GPC5: variants seen among roughly 807,000 people sequenced by gnomAD.
GPC5 encodes the protein glypican-5.
GPC5 carries 47 observed loss-of-function variants against 53.9 expected under a neutral mutation model. The ratio of observed to expected loss-of-function variants is 0.87; its 90% CI spans 0.69 to 1.11. GPC5 has a LOEUF of 1.11. GPC5 is among the 50% of genes most tolerant of loss of function. The pLI, the probability that GPC5 is intolerant of heterozygous loss-of-function variation, is 0.00. For synonymous variants in GPC5, 286 were observed against 263.3 expected (o/e 1.09, Z -0.84); for missense variants, 748 against 713.1 (o/e 1.05, Z -0.56).
intron 4 of GPC5, among the ~76,000 whole-genome samples, chr13:91,734,809 A>T (rs1474880387): frequency 4.0e-5 from 6 of 151,124 alleles, no homozygotes; most frequent in Non-Finnish European, 8.8e-5. Flanking sequence ...TTCTTGTTTC[A>T]TGGATGAGTT....
intron 6 of GPC5, among the ~76,000 whole-genome samples, chr13:92,136,288 A>G (rs760023073): frequency 7.2e-5 from 11 of 152,194 alleles, no homozygotes; most frequent in Non-Finnish European, 1.5e-4. Context: ...CTTAGTCTCC[A>G]TGAAATTGCA....
intron 7 of GPC5, among the ~76,000 whole-genome samples, chr13:92,782,578 C>T (rs1876069534): frequency 6.6e-6 from 1 of 152,126 alleles, no homozygotes; most frequent in Non-Finnish European, 1.5e-5. Context: ...GAAGAATGCT[C>T]AAAGACCCTA....
intron 7 of GPC5, among the ~76,000 whole-genome samples, chr13:92,632,887 T>C (rs1885298556): frequency 1.3e-5 from 2 of 151,994 alleles, no homozygotes; most frequent in South Asian, 4.1e-4. Context: ...TTTTTTTGTT[T>C]GTTTGTTTTG....
intron 6 of GPC5, among the ~76,000 whole-genome samples, chr13:91,927,612 T>A (rs1325224082): frequency 1.3e-5 from 2 of 152,096 alleles, no homozygotes; most frequent in Admixed American, 6.6e-5. Context: ...TGGAAATGGG[T>A]TAGTTCTAGT....
intron 6 of GPC5, among the ~76,000 whole-genome samples, chr13:91,967,563 A>G (rs1167298731): frequency 6.6e-6 from 1 of 152,088 alleles, no homozygotes; most frequent in Non-Finnish European, 1.5e-5. Flanking sequence ...AGTTAGATTT[A>G]TACTTATGAA....
At chr13:91,571,815 GTGTGTGTATATATACACATATACT>G (rs2031818237) in intron 2 of GPC5, among the ~76,000 whole-genome samples, 5 of 91,704 alleles carry the variant, frequency 5.5e-5, no homozygotes, top group Admixed American at 1.1e-4. Context: ...ACACACATAC[GTGTGTGTATATATACACATATACT>G]TGTGTGTATA....
chr13:92,270,390 T>G (rs1417359135), intron 7 of GPC5, among the ~76,000 whole-genome samples: 1 of 152,120 alleles, frequency 6.6e-6, no homozygotes, highest in African/African-American at 2.4e-5. Flanking sequence ...TCTGGTTGTT[T>G]AAAAGTGTGT....
At chr13:91,650,317 T>C (rs1255664288) in intron 2 of GPC5, among the ~76,000 whole-genome samples, 1 of 152,206 alleles carries the variant, frequency 6.6e-6, no homozygotes, top group Non-Finnish European at 1.5e-5. Flanking sequence ...CAATCTGTTA[T>C]TCATCTTTAT....
intron 6 of GPC5, among the ~76,000 whole-genome samples, chr13:91,909,662 G>A (rs1419643219): frequency 6.6e-6 from 1 of 152,014 alleles, no homozygotes; most frequent in Non-Finnish European, 1.5e-5. Flanking sequence ...AAAGCAGAAC[G>A]GAAACCCTAT....
chr13:91,508,368 G>A (rs950564331), intron 2 of GPC5, among the ~76,000 whole-genome samples: 2 of 152,186 alleles, frequency 1.3e-5, no homozygotes, highest in Non-Finnish European at 1.5e-5. Context: ...AGTCCAATGA[G>A]CCATATTGTT....
Position 92,382,336 on chromosome 13 carries a change from TACC to T in GPC5, c.1561+237351_1561+237353del, listed in dbSNP as rs2043755704. On this transcript the variant is annotated intron_variant, in intron 7 of 7. Coordinates refer to ENST00000377067, the MANE Select transcript of GPC5 (RefSeq NM_004466.6). ...CCACTAAAGAACTTCTGTAACCAAA[TACC>T]ACCTGTACCCCCAATAACTTATGGA... Among the ~76,000 whole-genome samples, 4 of 151,928 alleles carry T rather than the reference TACC, an allele frequency of 2.6e-5. No individual in the cohort carries two copies. The South Asian group carries it at 8.3e-4, about 32-fold the overall frequency.
rs1210217328 is a variant in GPC5, at chr13:91,676,262, G to A, written c.326-16925G>A. Among the ~76,000 whole-genome samples, 4 of 151,994 alleles carry A rather than the reference G, an allele frequency of 2.6e-5. No individual in the cohort carries two copies. In the East Asian group the frequency reaches 7.7e-4, roughly 29 times the overall value. On this transcript the variant is annotated intron_variant, in intron 2 of 7. Transcript: ENST00000377067. Reference sequence around the variant, plus strand: ...ATTTTTGTATTTTTAGTAGAGACAGGGTTTCACCACATTGGCCAGGCTGGT... The same window carrying A: ...ATTTTTGTATTTTTAGTAGAGACAGAGTTTCACCACATTGGCCAGGCTGGT...
chr13:92,253,816 GAATTT>G (rs1429871897), intron 7 of GPC5, among the ~76,000 whole-genome samples: 10 of 152,128 alleles, frequency 6.6e-5, no homozygotes, highest in African/African-American at 2.4e-4. Flanking sequence ...GGAAATTAGC[GAATTT>G]AATTTAAGAG....
intron 7 of GPC5, among the ~76,000 whole-genome samples, chr13:92,632,084 T>C (rs1172379379): frequency 6.6e-6 from 1 of 152,136 alleles, no homozygotes; most frequent in Non-Finnish European, 1.5e-5. Context: ...AAAGGTAATA[T>C]CTGTTGCTGG....
At position 92,466,298 on chromosome 13, in the gene GPC5, A is replaced by G. The variant is rs150379579; in HGVS notation, c.1561+321309A>G. The stretch of plus-strand genomic sequence containing the variant: ...ACTGACTTAGTGTTTGCTTTAGAAA[A>G]TGGCGATTTTGATGGTAATAAAAAT... On this transcript the variant is annotated intron_variant, in intron 7 of 7. Coordinates refer to ENST00000377067, the MANE Select transcript of GPC5 (RefSeq NM_004466.6). Among the ~76,000 whole-genome samples, 4 of 152,164 alleles carry G rather than the reference A, an allele frequency of 2.6e-5. No individual in the cohort carries two copies. In the South Asian group the frequency reaches 6.2e-4, roughly 24 times the overall value.
chr13:92,641,951 T>A (rs754532280), intron 7 of GPC5, among the ~76,000 whole-genome samples: 1 of 146,680 alleles, frequency 6.8e-6, no homozygotes, highest in Non-Finnish European at 1.5e-5. Context: ...CAGCTGAAAT[T>A]ATTCTCAGAT....
intron 6 of GPC5, among the ~76,000 whole-genome samples, chr13:92,035,604 G>C (rs1304901005): frequency 6.6e-6 from 1 of 152,002 alleles, no homozygotes; most frequent in Non-Finnish European, 1.5e-5. Context: ...AATGAGATTA[G>C]CCATTTTTGA....
At chr13:92,052,684 C>A (rs1223782786) in intron 6 of GPC5, among the ~76,000 whole-genome samples, 1 of 152,138 alleles carries the variant, frequency 6.6e-6, no homozygotes, top group Non-Finnish European at 1.5e-5. Context: ...TTATAATCTT[C>A]CAGCTAGACA....
chr13:91,784,162 AAAGT>A (rs1478667672), intron 5 of GPC5, among the ~76,000 whole-genome samples: 1 of 152,192 alleles, frequency 6.6e-6, no homozygotes, highest in Non-Finnish European at 1.5e-5. Context: ...TAAGCCACTA[AAAGT>A]AAGGATATAA....
Sources: gnomAD v4.1 joint callset for allele counts (sites outside exome capture counted in the v4.1 genomes callset) on GRCh38, gnomAD v4.1.1 for gene constraint, MANE v1.5 for transcripts, NCBI Gene and HGNC (gene_info 2026-07-23, HGNC 2026-07-21) for gene names.